The following SANBR variants were observed in gnomAD, a reference collection of about 807,000 sequenced individuals.
SANBR encodes the protein SANT and BTB domain regulator of CSR, also known as SANT and BTB domain regulator of class switch recombination.
Under a neutral mutation model 101.8 loss-of-function variants are expected in SANBR, and 77 were observed. The ratio of observed to expected loss-of-function variants is 0.76; its 90% CI spans 0.63 to 0.91. The LOEUF (loss-of-function observed/expected upper bound fraction) is 0.91, where lower values mean the gene tolerates loss of function less well. SANBR is among the 40% of genes least tolerant of loss of function. The pLI is 0.00. For synonymous variants in SANBR, 279 were observed against 274.7 expected (o/e 1.02, Z -0.15); for missense variants, 875 against 853.0 (o/e 1.03, Z -0.32).
chr2:61,094,111 T>G, intron 11 of SANBR: 2 of 976,984 alleles, frequency 2.0e-6, no homozygotes, highest in Non-Finnish European at 2.4e-6. Context: ...CTCAATGGGT[T>G]CTGTGTTCCC....
intron 8 of SANBR, among the ~76,000 whole-genome samples, chr2:61,084,983 A>G (rs1024595331): frequency 6.6e-6 from 1 of 152,190 alleles, no homozygotes; most frequent in Non-Finnish European, 1.5e-5. Flanking sequence ...TGGTAGTGCT[A>G]TTAATGGAGA....
chr2:61,092,426 T>G, intron 10 of SANBR, 38 bp from the exon 11 acceptor site: 1 of 1,459,086 alleles, frequency 6.9e-7, no homozygotes, highest in Non-Finnish European at 9.2e-7. Flanking sequence ...ACAAATTGTT[T>G]ATATCACTTG....
intron 8 of SANBR, among the ~76,000 whole-genome samples, chr2:61,084,342 A>G (rs1324970858): frequency 3.3e-5 from 5 of 152,200 alleles, no homozygotes; most frequent in Non-Finnish European, 5.9e-5. Context: ...TCCAGAGCCA[A>G]TGGCTCAAGA....
At chr2:61,069,233 T>C (rs971107525) in intron 2 of SANBR, among the ~76,000 whole-genome samples, 3 of 152,254 alleles carry the variant, frequency 2.0e-5, no homozygotes, top group Admixed American at 1.3e-4. Flanking sequence ...CAGCACAATC[T>C]AAATACTATT....
At chr2:61,090,767 CTG>C (rs1344495185) in intron 10 of SANBR, 1 of 150,396 alleles carries the variant, frequency 6.6e-6, no homozygotes, top group African/African-American at 2.5e-5. Flanking sequence ...CAGGGTTTCA[CTG>C]TGTTGCCAAG....
intron 16 of SANBR, among the ~76,000 whole-genome samples, chr2:61,110,422 G>A (rs1210517670): frequency 7.9e-5 from 12 of 152,088 alleles, no homozygotes; most frequent in African/African-American, 2.9e-4. Flanking sequence ...GCTCATGCCT[G>A]TAATCTCAGC....
chr2:61,079,704 G>A (rs1284291155), intron 6 of SANBR, among the ~76,000 whole-genome samples: 4 of 152,136 alleles, frequency 2.6e-5, no homozygotes, highest in Admixed American at 6.6e-5. Context: ...AAGAAATGCA[G>A]CAAGCCTGGC....
At chr2:61,070,651 T>G (rs1419852881) in intron 3 of SANBR, 151 bp downstream of exon 3, 1 of 404,170 alleles carries the variant, frequency 2.5e-6, no homozygotes, top group African/African-American at 2.2e-5. Flanking sequence ...TTTGACTAGA[T>G]GCAAATTACA....
chr2:61,089,548 C>G (rs2104895338), intron 10 of SANBR: 1 of 152,080 alleles, frequency 6.6e-6, no homozygotes, highest in South Asian at 2.1e-4. Context: ...TGGTGGTGCA[C>G]ACCTGTAACC....
chr2:61,069,377 A>T (rs1681341890), intron 2 of SANBR, among the ~76,000 whole-genome samples: 1 of 151,736 alleles, frequency 6.6e-6, no homozygotes, highest in Non-Finnish European at 1.5e-5. Context: ...CATTTCAGCA[A>T]GGTTCGATGA....
chr2:61,095,326 T>C (rs1244729274), intron 11 of SANBR, among the ~76,000 whole-genome samples: 1 of 152,210 alleles, frequency 6.6e-6, no homozygotes, highest in African/African-American at 2.4e-5. Flanking sequence ...TAAAATGGTT[T>C]GTATGCAGAA....
intron 8 of SANBR, 115 bp downstream of exon 8, chr2:61,083,429 C>A: frequency 2.6e-6 from 2 of 754,820 alleles, no homozygotes; most frequent in Non-Finnish European, 4.2e-6. Context: ...AAGGTTCTCA[C>A]TCTGTTGTTC....
At position 61,122,474 on chromosome 2, in the gene SANBR, C is replaced by CT. The variant is rs1684372409; in HGVS notation, c.*313dup. ...TTTATTTGAAAAAGAAAGGCCTAAA[C>CT]TGTCAGGTAGCCAAGTTTTTTTAAG... On this transcript the variant is annotated 3_prime_UTR_variant, in exon 22 of 22. Transcript: ENST00000402291. 9.4e-7 allele frequency: 1 copy of CT among 1,067,042 alleles called. No individual in the cohort carries two copies. The highest frequency in any genetic ancestry group is 1.7e-5 in the African/African-American group (1 of 60,070). The allele number at this position is 1,067,042 out of a possible 1,614,324, so 66.1% of individuals were successfully genotyped here.
chr2:61,096,550 C>T (rs949940556), intron 11 of SANBR, among the ~76,000 whole-genome samples: 2 of 152,132 alleles, frequency 1.3e-5, no homozygotes, highest in East Asian at 1.9e-4. Context: ...ACTGAAACTC[C>T]TTAGACAGTG....
chr2:61,120,399 C>T (rs1489220252), intron 20 of SANBR, among the ~76,000 whole-genome samples: 1 of 152,138 alleles, frequency 6.6e-6, no homozygotes, highest in African/African-American at 2.4e-5. Context: ...ACTCAGGAGG[C>T]TGAGGCAGGA....
chr2:61,116,123 G>A (rs563237739), intron 17 of SANBR, 53 bp downstream of exon 17: 12 of 1,234,542 alleles, frequency 9.7e-6, no homozygotes, highest in Admixed American at 6.7e-5. Flanking sequence ...AAGCATGTGA[G>A]TATAGCCAGA....
At chr2:61,122,062 G>C in intron 21 of SANBR, 64 bp from the exon 22 acceptor site, 2 of 1,534,378 alleles carry the variant, frequency 1.3e-6, no homozygotes, top group Non-Finnish European at 8.8e-7. Context: ...ATAATCTAAA[G>C]GAGCACCAAC....
chr2:61,122,342 A>G lies in SANBR; in HGVS notation c.*180A>G. On this transcript the variant is annotated 3_prime_UTR_variant, in exon 22 of 22. Transcript: ENST00000402291. ...TTAGGTTTTATGAAAATCTAATTGT[A>G]AATATGAAACTTTTTAAATCTGATT... is the stretch of plus-strand genomic sequence containing the variant. The G allele has an allele frequency of 8.0e-7, 1 of 1,246,172 alleles. No homozygotes were observed. The highest frequency in any genetic ancestry group is 1.0e-6 in the Non-Finnish European group (1 of 969,052). 77.2% of individuals were successfully genotyped at this position (1,246,172 alleles called of 1,614,324 possible).
chr2:61,076,843 C>A, intron 5 of SANBR, 77 bp from the exon 6 acceptor site: 1 of 1,001,950 alleles, frequency 1.0e-6, no homozygotes, highest in East Asian at 2.4e-5. Flanking sequence ...GTTCTCTTCC[C>A]TTCACTAAAT....
Sources: gnomAD v4.1 joint callset for allele counts (sites outside exome capture counted in the v4.1 genomes callset) on GRCh38, gnomAD v4.1.1 for gene constraint, MANE v1.5 for transcripts, NCBI Gene and HGNC (gene_info 2026-07-23, HGNC 2026-07-21) for gene names.